The following NCKIPSD variants were observed in gnomAD, a reference collection of about 807,000 sequenced individuals.
NCKIPSD encodes the protein NCK interacting protein with SH3 domain.
A neutral mutation model predicts 73.4 loss-of-function variants in NCKIPSD; 48 were observed. The ratio of observed to expected loss-of-function variants is 0.65; its 90% CI spans 0.52 to 0.83. The LOEUF (loss-of-function observed/expected upper bound fraction) is 0.83, where lower values mean the gene tolerates loss of function less well. Among genes scored for constraint, NCKIPSD ranks in the 40% least tolerant of loss-of-function variants. The pLI, the probability that NCKIPSD is intolerant of heterozygous loss-of-function variation, is 0.00. For missense variants in NCKIPSD, 884 were observed against 970.2 expected, an observed-to-expected ratio of 0.91 and a Z score of 1.18; for synonymous variants, 422 against 403.6, an observed-to-expected ratio of 1.05 and a Z score of -0.54.
At position 48,682,064 on chromosome 3, in the gene NCKIPSD, G is replaced by A; in HGVS notation, c.579C>T (p.Ala193=). The change falls in exon 4 of 13, where the codon GCC becomes GCT. Residue 193 remains alanine (A), a synonymous_variant. Coordinates refer to ENST00000294129, the MANE Select transcript of NCKIPSD (RefSeq NM_016453.4). The part of the protein sequence containing the change: ...PPPVKRRDRE[A]LMASGSGGHN... Reference sequence around the variant, plus strand: ...TCTTACCACTCCCAGAGGCCATCAGGGCCTCGCGGTCTCGGCGCTTCACTG... The same window carrying A: ...TCTTACCACTCCCAGAGGCCATCAGAGCCTCGCGGTCTCGGCGCTTCACTG... The A allele has an allele frequency of 6.2e-7, 1 of 1,601,390 alleles. No homozygotes were observed. Among genetic ancestry groups the A allele is most frequent in the Non-Finnish European group, 8.5e-7 (1 of 1,179,880 alleles).
Position 48,681,589 on chromosome 3 carries a change from TGGAG to T in NCKIPSD, c.786_789del (p.Ser263ArgfsTer30), listed in dbSNP as rs772903252. ...GCAGGGGGTTCAGGTGCTGATGCCT[TGGAG>T]GGAGGGGGCTGGACTTGGGACACGG... is the stretch of plus-strand genomic sequence containing the variant. On this transcript the variant is annotated frameshift_variant, in exon 5 of 13. Transcript: ENST00000294129. LOFTEE classifies it high-confidence loss of function. 6.2e-6 allele frequency: 10 copies of T among 1,613,620 alleles called. No individual in the cohort carries two copies. The highest frequency in any genetic ancestry group is 8.5e-6 in the Non-Finnish European group (10 of 1,179,950).
chr3:48,674,430 G>A lies in NCKIPSD; in HGVS notation c.*114C>T. Reference sequence around the variant, plus strand: ...TACTTCAGGTGGGGGTCCTGCTCAGGTTCCTTCTGCCACCTTATCCCCTCC... The same window carrying A: ...TACTTCAGGTGGGGGTCCTGCTCAGATTCCTTCTGCCACCTTATCCCCTCC... On this transcript the variant is annotated 3_prime_UTR_variant, in exon 13 of 13. Transcript: ENST00000294129. 6.8e-7 allele frequency: 1 copy of A among 1,481,006 alleles called. No individual in the cohort carries two copies. Among genetic ancestry groups the A allele is most frequent in the African/African-American group, 1.4e-5 (1 of 72,034 alleles). 91.7% of individuals were successfully genotyped at this position (1,481,006 alleles called of 1,614,324 possible).
chr3:48,685,874 C>CGCCGA lies in NCKIPSD; in HGVS notation c.-72_-68dup. Reference sequence around the variant, plus strand: ...CGGCGCCACAACGCCAGGCCGGGAGCGCCGAGCCGCGCCGCGGTTGTCCCG... The same window carrying CGCCGA: ...CGGCGCCACAACGCCAGGCCGGGAGCGCCGAGCCGAGCCGCGCCGCGGTTGTCCCG... On this transcript the variant is annotated 5_prime_UTR_variant, in exon 1 of 13. Coordinates refer to ENST00000294129, the MANE Select transcript of NCKIPSD (RefSeq NM_016453.4). 2 of 1,311,796 alleles carry CGCCGA rather than the reference C, an allele frequency of 1.5e-6. No individual in the cohort carries two copies. Among genetic ancestry groups the CGCCGA allele is most frequent in the Non-Finnish European group, 1.9e-6 (2 of 1,026,554 alleles). The allele number at this position is 1,311,796 out of a possible 1,614,324, so 81.3% of individuals were successfully genotyped here.
intron 1 of NCKIPSD, 98 bp downstream of exon 1, chr3:48,685,539 G>C (rs2077423522): frequency 3.6e-6 from 5 of 1,383,700 alleles, no homozygotes; most frequent in Non-Finnish European, 4.7e-6. Flanking sequence ...CCTGGCCTCG[G>C]GTCCCGGAGA....
At chr3:48,684,878 A>G (rs545455419) in intron 1 of NCKIPSD, among the ~76,000 whole-genome samples, 1 of 152,282 alleles carries the variant, frequency 6.6e-6, no homozygotes, top group East Asian at 1.9e-4. Context: ...CCATTTTCAA[A>G]GCAAGAAAGT....
intron 1 of NCKIPSD, among the ~76,000 whole-genome samples, chr3:48,684,439 G>A (rs1328728393): frequency 6.6e-6 from 1 of 152,108 alleles, no homozygotes; most frequent in African/African-American, 2.4e-5. Flanking sequence ...GGTGTCCACG[G>A]CCCCCACTCC....
chr3:48,681,979 C>T lies in NCKIPSD; in HGVS notation c.598+66G>A. On this transcript the variant is annotated intron_variant, in intron 4 of 12. Coordinates refer to ENST00000294129, the MANE Select transcript of NCKIPSD (RefSeq NM_016453.4). Reference sequence around the variant, plus strand: ...GCTTAGAGCCTCCATTTCCCTGACACAGGCAGCACAACCATTCCAAGCATA... The same window carrying T: ...GCTTAGAGCCTCCATTTCCCTGACATAGGCAGCACAACCATTCCAAGCATA... 11 of 1,543,188 alleles carry T rather than the reference C, an allele frequency of 7.1e-6. No individual in the cohort carries two copies. The South Asian group carries it at 1.2e-4, about 16-fold the overall frequency.
Position 48,682,890 on chromosome 3 carries a change from C to T in NCKIPSD, c.281+13G>A, listed in dbSNP as rs1480561432. ...TCACCGGGAGGTCCCACTTCACTCC[C>T]CTCAACACTCACTGGAGGACTCCAC... On this transcript the variant is annotated intron_variant, in intron 2 of 12. Coordinates refer to ENST00000294129, the MANE Select transcript of NCKIPSD (RefSeq NM_016453.4). The T allele has an allele frequency of 1.3e-6, 2 of 1,545,012 alleles. No individual in the cohort carries two copies. Among genetic ancestry groups the T allele is most frequent in the African/African-American group, 2.7e-5 (2 of 72,906 alleles).
chr3:48,678,837 G>C lies in NCKIPSD; in HGVS notation c.1792+40C>G, dbSNP rs777571109. 2.5e-6 allele frequency: 4 copies of C among 1,613,612 alleles called. No homozygotes were observed. In the Admixed American group the frequency reaches 5.0e-5, roughly 20 times the overall value. Reference sequence around the variant, plus strand: ...CATTGCAGGGGTCATGGAGTCACAGGGCATGGAAGTGGTACCCGCGCAGAT... The same window carrying C: ...CATTGCAGGGGTCATGGAGTCACAGCGCATGGAAGTGGTACCCGCGCAGAT... On this transcript the variant is annotated intron_variant, in intron 11 of 12. Coordinates refer to ENST00000294129, the MANE Select transcript of NCKIPSD (RefSeq NM_016453.4).
chr3:48,677,811 A>G (rs1275785088), intron 12 of NCKIPSD, among the ~76,000 whole-genome samples: 1 of 152,138 alleles, frequency 6.6e-6, no homozygotes, highest in Non-Finnish European at 1.5e-5. Flanking sequence ...CTTCCCGCTG[A>G]CCTGCCTATC....
chr3:48,682,875 G>A, intron 2 of NCKIPSD, 28 bp downstream of exon 2: 1 of 1,536,390 alleles, frequency 6.5e-7, no homozygotes, highest in South Asian at 1.2e-5. Context: ...TCACCGGGAG[G>A]TCCCACTTCA....
At position 48,681,724 on chromosome 3, in the gene NCKIPSD, T is replaced by C. The variant is rs755828137; in HGVS notation, c.655A>G (p.Ser219Gly). ...GNSVSSGSSVSSTSLDTLYTS... is the reference protein window; with the variant it reads ...GNSVSSGSSVGSTSLDTLYTS... ...TAGAGCGTGTCCAGGGAGGTGCTGC[T>C]GACTGAGGAGCCGCTGGACACAGAG... The change falls in exon 5 of 13, where the codon AGC (serine) becomes GGC (glycine). Residue 219 changes from serine to glycine, a missense_variant. Ser to Gly is a moderately conservative substitution (Grantham distance 56). Transcript: ENST00000294129. 2 of 1,544,984 alleles carry C rather than the reference T, an allele frequency of 1.3e-6. No individual in the cohort carries two copies. Among genetic ancestry groups the C allele is most frequent in the Non-Finnish European group, 1.7e-6 (2 of 1,146,772 alleles).
intron 1 of NCKIPSD, among the ~76,000 whole-genome samples, chr3:48,683,983 C>G (rs568326999): frequency 3.0e-5 from 4 of 133,518 alleles, no homozygotes; most frequent in African/African-American, 1.3e-4. Context: ...CATGAAGACA[C>G]ACACACACAC....
At position 48,685,672 on chromosome 3, in the gene NCKIPSD, C is replaced by G. The variant is rs1359507376; in HGVS notation, c.136G>C (p.Gly46Arg). 1.3e-6 allele frequency: 2 copies of G among 1,525,908 alleles called. No individual in the cohort carries two copies. Among genetic ancestry groups the G allele is most frequent in the Non-Finnish European group, 1.8e-6 (2 of 1,142,586 alleles). 94.5% of individuals were successfully genotyped at this position (1,525,908 alleles called of 1,614,324 possible). The change falls in exon 1 of 13, where the codon GGC (glycine) becomes CGC (arginine). Residue 46 changes from glycine (G) to arginine (R), a missense_variant. Coordinates refer to ENST00000294129, the MANE Select transcript of NCKIPSD (RefSeq NM_016453.4). ...LAARARSGETGYVPPAYLRRL... is the reference protein window; with the variant it reads ...LAARARSGETRYVPPAYLRRL... ...CGCAGGTAGGCTGGCGGCACGTAGCCCGTCTCACCACTGCGCGCCCGCGCG... is the reference window on the plus strand; with the variant it reads ...CGCAGGTAGGCTGGCGGCACGTAGCGCGTCTCACCACTGCGCGCCCGCGCG...
chr3:48,684,156 A>C (rs1029833426), intron 1 of NCKIPSD, among the ~76,000 whole-genome samples: 1 of 152,178 alleles, frequency 6.6e-6, no homozygotes, highest in Non-Finnish European at 1.5e-5. Context: ...AAACAAAAAC[A>C]CACACATGTG....
At position 48,679,625 on chromosome 3, in the gene NCKIPSD, G is replaced by A. The variant is rs754023711; in HGVS notation, c.1439C>T (p.Ser480Leu). The A allele has an allele frequency of 6.2e-7, 1 of 1,614,226 alleles. No homozygotes were observed. The highest frequency in any genetic ancestry group is 1.1e-5 in the South Asian group (1 of 91,086). ...CGCCAGCTCTACAGGCAGCACGGAT[G>A]ACACAAGCGTGGAGATGATGGCTGC... The part of the protein sequence containing the change: ...LDAAIISTLV[S>L]SVLPVELARD... The change falls in exon 8 of 13, where the codon TCA becomes TTA. Residue 480 changes from serine to leucine, a missense_variant. Physicochemically the swap from Ser to Leu is moderately radical, Grantham distance 145. Transcript: ENST00000294129.
intron 6 of NCKIPSD, 27 bp from the exon 7 acceptor site, chr3:48,679,914 C>T (rs763117925): frequency 1.9e-6 from 3 of 1,614,004 alleles, no homozygotes; most frequent in Middle Eastern, 1.6e-4. Flanking sequence ...GTGAGAGCAT[C>T]AGCCACCATG....
intron 12 of NCKIPSD, among the ~76,000 whole-genome samples, chr3:48,676,454 G>A (rs1437900180): frequency 1.3e-5 from 2 of 152,096 alleles, no homozygotes; most frequent in African/African-American, 4.8e-5. Flanking sequence ...CTCCGGCTCA[G>A]AACATGCACC....
rs1467971530 is a variant in NCKIPSD, at chr3:48,682,358, C to T, written c.476G>A (p.Gly159Asp). ...PSSEHLGADG[G>D]LYQIPLPSSQ... ...GTCCTCCCCACACACCTGGTAGAGGCCTCCATCTGCCCCAAGATGCTCAGA... is the reference window on the plus strand; with the variant it reads ...GTCCTCCCCACACACCTGGTAGAGGTCTCCATCTGCCCCAAGATGCTCAGA... Residue 159 changes from glycine (G) to aspartate (D), a missense_variant, in exon 3 of 13, where the codon GGC (glycine) becomes GAC (aspartate). Gly to Asp is a moderately conservative substitution (Grantham distance 94). Transcript: ENST00000294129. 2.5e-6 allele frequency: 4 copies of T among 1,613,918 alleles called. No individual in the cohort carries two copies. The Admixed American group carries it at 5.0e-5, about 20-fold the overall frequency.
Sources: allele counts gnomAD v4.1 joint callset (sites outside exome capture counted in the v4.1 genomes callset), GRCh38; gene constraint gnomAD v4.1.1; transcripts MANE v1.5; gene names NCBI Gene and HGNC (gene_info 2026-07-23, HGNC 2026-07-21).